Variants in FBLN2 observed in about 807,000 individuals in gnomAD.
FBLN2 encodes the protein fibulin 2, also known as fibulin-2.
In FBLN2, 81 loss-of-function variants were observed where a neutral mutation model predicts 123.7. That is an observed-to-expected ratio of 0.65 (90% CI 0.55 to 0.79). The LOEUF (loss-of-function observed/expected upper bound fraction) is 0.79. Among genes scored for constraint, FBLN2 ranks in the 30% least tolerant of loss-of-function variants. The pLI is 0.00. For synonymous variants in FBLN2, 699 were observed against 701.4 expected (o/e 1.00, Z 0.05); for missense variants, 1,603 against 1,681.3 (o/e 0.95, Z 0.81).
At chr3:13,578,285 C>T (rs1171873903) in intron 2 of FBLN2, among the ~76,000 whole-genome samples, 1 of 152,144 alleles carries the variant, frequency 6.6e-6, no homozygotes, top group African/African-American at 2.4e-5. Flanking sequence ...GCAGACATCC[C>T]CAGAATCTAA....
intron 2 of FBLN2, among the ~76,000 whole-genome samples, chr3:13,574,042 A>T (rs1704053215): frequency 6.6e-6 from 1 of 152,120 alleles, no homozygotes; most frequent in Non-Finnish European, 1.5e-5. Context: ...ACTCCTGTAA[A>T]CTAAGAGGGC....
chr3:13,578,506 A>G (rs544451469), intron 2 of FBLN2, among the ~76,000 whole-genome samples: 19 of 152,318 alleles, frequency 1.2e-4, no homozygotes, highest in African/African-American at 4.3e-4. Flanking sequence ...TTCAGGGTCC[A>G]TTTCATGTGG....
chr3:13,576,727 C>A lies in FBLN2; in HGVS notation c.1306+5066C>A, dbSNP rs572195507. On this transcript the variant is annotated intron_variant, in intron 2 of 17. Transcript: ENST00000404922. The stretch of plus-strand genomic sequence containing the variant: ...AAGGGGTGGTCAGGGGGATCCCCCC[C>A]CCCCGGGTTCACTCATTTATCCACC... Among the ~76,000 whole-genome samples, 146 of 152,024 alleles carry A rather than the reference C, an allele frequency of 9.6e-4. 3 individuals are homozygous for A. The highest frequency in any genetic ancestry group is 3.3e-3 in the African/African-American group (135 of 41,410).
Position 13,637,545 on chromosome 3 carries a change from G to T in FBLN2, c.3339-17G>T. On this transcript the variant is annotated splice_polypyrimidine_tract_variant and intron_variant, in intron 17 of 17. Coordinates refer to ENST00000404922, the MANE Select transcript of FBLN2 (RefSeq NM_001004019.2). Reference sequence around the variant, plus strand: ...GGGTGGGCGAGCTGTGGGTGACCCGGCCTATCCTCCCTGCAGGAAGTGCGA... The same window carrying T: ...GGGTGGGCGAGCTGTGGGTGACCCGTCCTATCCTCCCTGCAGGAAGTGCGA... 6.3e-7 allele frequency: 1 copy of T among 1,584,572 alleles called. No homozygotes were observed. The highest frequency in any genetic ancestry group is 8.6e-7 in the Non-Finnish European group (1 of 1,162,098).
chr3:13,631,606 G>A, intron 16 of FBLN2, 149 bp downstream of exon 16: 2 of 947,892 alleles, frequency 2.1e-6, no homozygotes, highest in South Asian at 3.5e-5. Flanking sequence ...CAGTGGCCAT[G>A]TTAACTGAGG....
chr3:13,549,161 C>G lies in FBLN2; in HGVS notation c.-89C>G. On this transcript the variant is annotated 5_prime_UTR_variant, in exon 1 of 18. Transcript: ENST00000404922. The stretch of plus-strand genomic sequence containing the variant: ...GGGGCCGCCCGGGCTCTCGACGCGC[C>G]GACGGCCGGGCGGACGGACGGACGG... 1.0e-6 allele frequency: 1 copy of G among 982,822 alleles called. No individual in the cohort carries two copies. Among genetic ancestry groups the G allele is most frequent in the Non-Finnish European group, 1.2e-6 (1 of 828,940 alleles). 60.9% of individuals were successfully genotyped at this position (982,822 alleles called of 1,614,324 possible). A position where few individuals can be genotyped will look rare whatever the true frequency, so the allele number is the denominator to read the frequency against.
Position 13,629,020 on chromosome 3 carries a change from C to T in FBLN2, c.2685C>T (p.His895=), listed in dbSNP as rs761995630. Residue 895 remains histidine, a synonymous_variant, in exon 12 of 18, where the codon CAC becomes CAT. Coordinates refer to ENST00000404922, the MANE Select transcript of FBLN2 (RefSeq NM_001004019.2). ...CGCTGATCTGCGCGCGCGGCTACCA[C>T]GCCAGCGATGATGGGACCAAGTGTG... The part of the protein sequence containing the change: ...RNPLICARGY[H]ASDDGTKCVD... 2.5e-6 allele frequency: 4 copies of T among 1,613,294 alleles called. No individual in the cohort carries two copies. Among genetic ancestry groups the T allele is most frequent in the African/African-American group, 1.3e-5 (1 of 74,922 alleles).
chr3:13,629,914 C>T lies in FBLN2; in HGVS notation c.2937C>T (p.Phe979=), dbSNP rs1231120231. 6.2e-7 allele frequency: 1 copy of T among 1,609,748 alleles called. No homozygotes were observed. The highest frequency in any genetic ancestry group is 8.5e-7 in the Non-Finnish European group (1 of 1,178,640). The change falls in exon 14 of 18, where the codon TTC becomes TTT. Residue 979 remains phenylalanine (F), a synonymous_variant. Coordinates refer to ENST00000404922, the MANE Select transcript of FBLN2 (RefSeq NM_001004019.2). The part of the protein sequence containing the change: ...GSYRCSCASG[F]LLAADGKRCE... ...ACCGCTGTTCCTGCGCCTCCGGGTT[C>T]CTGCTAGCAGCGGACGGCAAGCGCT...
rs905237774 is a variant in FBLN2, at chr3:13,627,797, C to T, written c.2432-35C>T. The T allele has an allele frequency of 7.5e-6, 12 of 1,594,306 alleles. No homozygotes were observed. The East Asian group carries it at 2.5e-4, about 33-fold the overall frequency. ...TGCTGAGTGTAAAGGCAGGACCTGC[C>T]CCCCAGCCCTTGACACCCAGCCTCT... On this transcript the variant is annotated intron_variant, in intron 10 of 17. Coordinates refer to ENST00000404922, the MANE Select transcript of FBLN2 (RefSeq NM_001004019.2).
chr3:13,618,036 A>G, intron 5 of FBLN2, 40 bp from the exon 6 acceptor site: 1 of 1,597,814 alleles, frequency 6.3e-7, no homozygotes, highest in Non-Finnish European at 8.6e-7. Flanking sequence ...ACCTACTCTG[A>G]CCAAGCTGGC....
At chr3:13,550,058 C>G (rs1409214987) in intron 1 of FBLN2, among the ~76,000 whole-genome samples, 1 of 152,240 alleles carries the variant, frequency 6.6e-6, no homozygotes, top group Non-Finnish European at 1.5e-5. Flanking sequence ...GTGTGCTCCT[C>G]AAATACCTGG....
chr3:13,550,863 A>G (rs889647931), intron 1 of FBLN2, among the ~76,000 whole-genome samples: 1 of 152,194 alleles, frequency 6.6e-6, no homozygotes, highest in African/African-American at 2.4e-5. Flanking sequence ...CTGGCCCTGC[A>G]TGTTTTGTTT....
chr3:13,608,224 A>T (rs1316837592), intron 3 of FBLN2, 51 bp downstream of exon 3: 3 of 1,376,318 alleles, frequency 2.2e-6, no homozygotes, highest in Admixed American at 4.0e-5. Flanking sequence ...CCTTCTCCAG[A>T]ACCCTGCTTG....
At chr3:13,634,482 A>T (rs1706382555) in intron 16 of FBLN2, among the ~76,000 whole-genome samples, 2 of 152,248 alleles carry the variant, frequency 1.3e-5, no homozygotes, top group South Asian at 4.1e-4. Flanking sequence ...AGCCAAAGCA[A>T]AAAGCTCCCA....
chr3:13,595,836 C>T (rs1048328185), intron 2 of FBLN2, among the ~76,000 whole-genome samples: 33 of 152,196 alleles, frequency 2.2e-4, no homozygotes, highest in African/African-American at 7.7e-4. Context: ...ATGGGTAATA[C>T]CTGCATAAGA....
At chr3:13,608,996 G>T (rs1003875598) in intron 3 of FBLN2, among the ~76,000 whole-genome samples, 1 of 152,358 alleles carries the variant, frequency 6.6e-6, no homozygotes, top group South Asian at 2.1e-4. Flanking sequence ...GGGGCTAAGC[G>T]GTCCTAGTGC....
At chr3:13,601,516 C>T (rs1310084827) in intron 2 of FBLN2, among the ~76,000 whole-genome samples, 2 of 152,198 alleles carry the variant, frequency 1.3e-5, no homozygotes, top group African/African-American at 4.8e-5. Flanking sequence ...GCACCTTGTG[C>T]TCCTGAGTCC....
intron 11 of FBLN2, 137 bp downstream of exon 11, chr3:13,628,106 G>A: frequency 8.9e-7 from 1 of 1,129,732 alleles, no homozygotes. Context: ...GTCCCTACCT[G>A]TGAATGGGCA....
chr3:13,625,135 G>A (rs1279348769), intron 9 of FBLN2, among the ~76,000 whole-genome samples: 2 of 149,824 alleles, frequency 1.3e-5, no homozygotes, highest in Non-Finnish European at 3.0e-5. Flanking sequence ...GCCCGGGGGT[G>A]GTTTCTGAGT....
Sources: gnomAD v4.1 joint callset for allele counts (sites outside exome capture counted in the v4.1 genomes callset) on GRCh38, gnomAD v4.1.1 for gene constraint, MANE v1.5 for transcripts, NCBI Gene and HGNC (gene_info 2026-07-23, HGNC 2026-07-21) for gene names.